Variants in GBE1 observed in about 807,000 individuals in gnomAD.
The protein encoded by GBE1 is 1,4-alpha-glucan branching enzyme 1.
In GBE1, 70 loss-of-function variants were observed where a neutral mutation model predicts 88.8. That is an observed-to-expected ratio of 0.79 (90% confidence interval 0.65 to 0.96). The LOEUF (loss-of-function observed/expected upper bound fraction) is 0.96, where lower values mean the gene tolerates loss of function less well. Ranked by LOEUF, GBE1 falls within the 40% of genes least tolerant of loss-of-function variation. The pLI is 0.00. For missense variants in GBE1, 872 were observed against 871.0 expected (o/e 1.00, Z -0.01); for synonymous variants, 284 against 300.1 (o/e 0.95, Z 0.56).
intron 7 of GBE1, among the ~76,000 whole-genome samples, chr3:81,598,971 T>C (rs1002041738): frequency 2.0e-5 from 3 of 152,132 alleles, no homozygotes; most frequent in Non-Finnish European, 4.4e-5. Flanking sequence ...TGAGCTCCAG[T>C]TATCTATATC....
At chr3:81,653,061 A>G (rs1190437401) in intron 3 of GBE1, among the ~76,000 whole-genome samples, 1 of 152,216 alleles carries the variant, frequency 6.6e-6, no homozygotes, top group Non-Finnish European at 1.5e-5. Context: ...TGTTTAAAAG[A>G]GTTCACTTGA....
intron 12 of GBE1, among the ~76,000 whole-genome samples, chr3:81,560,180 T>C (rs142715174): frequency 8.5e-5 from 13 of 152,062 alleles, no homozygotes; most frequent in African/African-American, 2.9e-4. Flanking sequence ...TAGGTGAGTA[T>C]AAAATAAGCT....
chr3:81,690,756 T>C (rs1223870097), intron 2 of GBE1, among the ~76,000 whole-genome samples: 1 of 152,202 alleles, frequency 6.6e-6, no homozygotes, highest in African/African-American at 2.4e-5. Context: ...CTTTATTTTG[T>C]TTCTATTTTA....
intron 10 of GBE1, among the ~76,000 whole-genome samples, chr3:81,583,800 G>T (rs1159166330): frequency 2.6e-5 from 4 of 152,006 alleles, no homozygotes; most frequent in African/African-American, 9.7e-5. Context: ...CAACATGAGG[G>T]AATCTTGTGG....
chr3:81,554,205 A>T (rs1703316698), intron 12 of GBE1, among the ~76,000 whole-genome samples: 1 of 152,202 alleles, frequency 6.6e-6, no homozygotes, highest in Admixed American at 6.5e-5. Flanking sequence ...ATGTTATTTT[A>T]TAAAATTCAA....
chr3:81,638,569 G>A (rs1704624859), intron 7 of GBE1, among the ~76,000 whole-genome samples: 1 of 152,064 alleles, frequency 6.6e-6, no homozygotes, highest in African/African-American at 2.4e-5. Flanking sequence ...AAACTTATGG[G>A]TGACACACTT....
intron 1 of GBE1, among the ~76,000 whole-genome samples, chr3:81,707,665 A>C (rs1297241218): frequency 6.6e-6 from 1 of 152,098 alleles, no homozygotes; most frequent in Non-Finnish European, 1.5e-5. Context: ...GTCACTCAAC[A>C]CAGAGTAAAA....
intron 6 of GBE1, among the ~76,000 whole-genome samples, chr3:81,645,653 A>G (rs1026158963): frequency 1.3e-5 from 2 of 152,176 alleles, no homozygotes; most frequent in African/African-American, 4.8e-5. Context: ...TCACCTATTT[A>G]CGCCCACTTC....
chr3:81,544,578 C>T (rs1703181401), intron 12 of GBE1, among the ~76,000 whole-genome samples: 1 of 152,112 alleles, frequency 6.6e-6, no homozygotes, highest in Non-Finnish European at 1.5e-5. Context: ...TTTGGCTAAA[C>T]CTTAAAACAA....
At chr3:81,587,402 A>T (rs1246479831) in intron 9 of GBE1, among the ~76,000 whole-genome samples, 1 of 152,050 alleles carries the variant, frequency 6.6e-6, no homozygotes, top group Non-Finnish European at 1.5e-5. Context: ...GCTTGCCTAG[A>T]CCATATCCAA....
At chr3:81,721,650 G>A (rs984578850) in intron 1 of GBE1, among the ~76,000 whole-genome samples, 2 of 152,078 alleles carry the variant, frequency 1.3e-5, no homozygotes, top group African/African-American at 2.4e-5. Flanking sequence ...CAGATTATAG[G>A]TGCCATAAAG....
intron 7 of GBE1, among the ~76,000 whole-genome samples, chr3:81,598,386 G>A (rs188828706): frequency 3.5e-4 from 42 of 118,312 alleles, no homozygotes; most frequent in African/African-American, 1.3e-3. Flanking sequence ...GAGGAAAAAT[G>A]AGAAAGGTAT....
intron 1 of GBE1, among the ~76,000 whole-genome samples, chr3:81,730,275 G>T (rs1156259715): frequency 6.6e-6 from 1 of 152,140 alleles, no homozygotes; most frequent in Admixed American, 6.6e-5. Flanking sequence ...ACAGCTTGAC[G>T]GGTTGAGGTT....
chr3:81,676,049 A>G (rs1705246573), intron 2 of GBE1, among the ~76,000 whole-genome samples: 1 of 152,094 alleles, frequency 6.6e-6, no homozygotes. Context: ...TCTTAATAAC[A>G]TTTTCTTTTC....
Position 81,586,165 on chromosome 3 carries a change from C to T in GBE1, c.1262G>A (p.Cys421Tyr). Residue 421 changes from cysteine to tyrosine, a missense_variant, in exon 10 of 16, where the codon TGC becomes TAC. Cys to Tyr is a radical substitution (Grantham distance 194). Coordinates refer to ENST00000429644, the MANE Select transcript of GBE1 (RefSeq NM_000158.4). ...ACCCCCTCCCTGGGAAATTGGAGAG[C>T]ACAGAGCTGGCATTCCTGATACATC... ...AEDVSGMPAL[C>Y]SPISQGGGGF... The T allele has an allele frequency of 6.2e-7, 1 of 1,607,450 alleles. No homozygotes were observed.
At chr3:81,616,352 A>G (rs1350081168) in intron 7 of GBE1, among the ~76,000 whole-genome samples, 2 of 152,124 alleles carry the variant, frequency 1.3e-5, no homozygotes, top group Non-Finnish European at 1.5e-5. Flanking sequence ...TTTACGTGTT[A>G]ATCTATAATC....
At chr3:81,588,334 C>T (rs772512022) in intron 9 of GBE1, among the ~76,000 whole-genome samples, 1 of 151,970 alleles carries the variant, frequency 6.6e-6, no homozygotes, top group Non-Finnish European at 1.5e-5. Flanking sequence ...AAATATCAGG[C>T]ACCATATTAG....
intron 7 of GBE1, among the ~76,000 whole-genome samples, chr3:81,629,500 A>C (rs1253512185): frequency 6.6e-6 from 1 of 152,090 alleles, no homozygotes; most frequent in Non-Finnish European, 1.5e-5. Flanking sequence ...TGCTACTAAA[A>C]GGGTTTATTG....
At chr3:81,525,979 C>A (rs946298931) in intron 14 of GBE1, among the ~76,000 whole-genome samples, 1 of 152,002 alleles carries the variant, frequency 6.6e-6, no homozygotes, top group South Asian at 2.1e-4. Context: ...TTTCAAAAAA[C>A]CAGCTCATGG....
Sources: allele counts gnomAD v4.1 joint callset (sites outside exome capture counted in the v4.1 genomes callset), GRCh38; gene constraint gnomAD v4.1.1; transcripts MANE v1.5; gene names NCBI Gene and HGNC (gene_info 2026-07-23, HGNC 2026-07-21).